Variants in EXD1 observed in about 807,000 individuals in gnomAD.
EXD1 encodes exonuclease 3'-5' domain containing 1.
Under a neutral mutation model 49.1 loss-of-function variants are expected in EXD1, and 63 were observed. The observed-to-expected ratio is 1.28, with a 90% CI of 1.05 to 1.58. The LOEUF is 1.58. Ranked by LOEUF, EXD1 falls within the 40% of genes most tolerant of loss-of-function variation. EXD1 has a pLI of 0.00. For missense variants in EXD1, 748 were observed against 666.0 expected (o/e 1.12, Z -1.36); for synonymous variants, 234 against 239.2 (o/e 0.98, Z 0.20).
chr15:41,190,508 A>G, intron 10 of EXD1: 1 of 284,378 alleles, frequency 3.5e-6, no homozygotes, highest in Non-Finnish European at 6.9e-6. Context: ...AAAAGAAAAG[A>G]ACTGTTTAAA....
intron 9 of EXD1, among the ~76,000 whole-genome samples, chr15:41,193,283 CT>C (rs2046559425): frequency 6.6e-6 from 1 of 152,058 alleles, no homozygotes; most frequent in Admixed American, 6.6e-5. Context: ...CTTTGTTACC[CT>C]TTAGGGAATC....
chr15:41,220,301 C>A (rs2047067409), intron 2 of EXD1, among the ~76,000 whole-genome samples: 1 of 150,434 alleles, frequency 6.6e-6, no homozygotes, highest in South Asian at 2.1e-4. Context: ...GATGGAGTCT[C>A]GTTCTGTCAC....
chr15:41,214,011 C>CA (rs1219499798), intron 6 of EXD1, among the ~76,000 whole-genome samples: 2 of 151,990 alleles, frequency 1.3e-5, no homozygotes, highest in South Asian at 4.1e-4. Context: ...ACTAAAAATA[C>CA]AAAAAATTAG....
chr15:41,206,690 C>T (rs1298162376), intron 7 of EXD1, among the ~76,000 whole-genome samples: 3 of 136,246 alleles, frequency 2.2e-5, no homozygotes, highest in African/African-American at 5.3e-5. Context: ...GGCACAATCT[C>T]GGCTCACTGA....
chr15:41,196,718 A>G (rs1485219022), intron 7 of EXD1, among the ~76,000 whole-genome samples: 1 of 151,368 alleles, frequency 6.6e-6, no homozygotes, highest in Non-Finnish European at 1.5e-5. Context: ...GGCATGAGCC[A>G]CTGCACCTGG....
rs1313406967 is a variant in EXD1 at position 41,190,147 on chromosome 15, T to C, written c.865-19A>G. 6.2e-7 allele frequency: 1 copy of C among 1,613,300 alleles called. No individual in the cohort carries two copies. The highest frequency in any genetic ancestry group is 2.2e-5 in the East Asian group (1 of 44,888). On this transcript the variant is annotated intron_variant, in intron 10 of 11. Coordinates refer to ENST00000458580, the MANE Select transcript of EXD1 (RefSeq NM_001286441.2). ...GATTTTCCTGGAGACAATAAAACAA[T>C]TTCCTCTGAACAGTAAGCAAGACTT...
chr15:41,190,943 T>A (rs964091521), intron 10 of EXD1, among the ~76,000 whole-genome samples: 10 of 152,172 alleles, frequency 6.6e-5, no homozygotes, highest in African/African-American at 2.4e-4. Context: ...AGACAGAGTC[T>A]CACTCTGTTG....
intron 2 of EXD1, among the ~76,000 whole-genome samples, chr15:41,224,967 TA>T (rs11437857): frequency 3.4e-5 from 5 of 149,076 alleles, no homozygotes; most frequent in Admixed American, 6.7e-5. Flanking sequence ...GACTTTGTCT[TA>T]AAAAAAAAAG....
At chr15:41,188,726 T>G (rs928927962) in intron 11 of EXD1, among the ~76,000 whole-genome samples, 3 of 151,930 alleles carry the variant, frequency 2.0e-5, no homozygotes, top group African/African-American at 7.2e-5. Context: ...ATTGTTAATA[T>G]TCATAGTATG....
chr15:41,216,875 G>T (rs1014188241), intron 4 of EXD1, 80 bp from the exon 5 acceptor site: 160 of 1,572,892 alleles, frequency 1.0e-4, no homozygotes, highest in Non-Finnish European at 1.3e-4. Context: ...ACACATTAAC[G>T]TTAAGGACAG....
At chr15:41,215,884 T>A (rs373412692) in intron 5 of EXD1, 51 bp from the exon 6 acceptor site, 4 of 1,586,016 alleles carry the variant, frequency 2.5e-6, no homozygotes, top group African/African-American at 1.3e-5. Context: ...AGCAACAGAA[T>A]AGCTTTCTCA....
At position 41,195,806 on chromosome 15, in the gene EXD1, C is replaced by T. The variant is rs978177943; in HGVS notation, c.689G>A (p.Gly230Glu). The change falls in exon 9 of 12, where the codon GGA becomes GAA. Residue 230 changes from glycine to glutamate, a missense_variant. By Grantham distance (98) the Gly-to-Glu change is moderately conservative. Transcript: ENST00000458580. ...WLSDCLSHQYGILLNNVFDTQ... is the reference protein window; with the variant it reads ...WLSDCLSHQYEILLNNVFDTQ... Reference sequence around the variant, plus strand: ...GTCAAAGACATTATTCAGCAAAATTCCATACTGATGAGAGAGGCAATCAGA... The same window carrying T: ...GTCAAAGACATTATTCAGCAAAATTTCATACTGATGAGAGAGGCAATCAGA... 2 of 1,613,534 alleles carry T rather than the reference C, an allele frequency of 1.2e-6. No homozygotes were observed. The highest frequency in any genetic ancestry group is 3.3e-5 in the Admixed American group (2 of 59,844).
chr15:41,223,956 C>G (rs1014395353), intron 2 of EXD1, among the ~76,000 whole-genome samples: 1 of 152,062 alleles, frequency 6.6e-6, no homozygotes, highest in Non-Finnish European at 1.5e-5. Context: ...CTCCTGGCCT[C>G]AAGCAATACT....
At chr15:41,188,996 G>C (rs1241188396) in intron 11 of EXD1, among the ~76,000 whole-genome samples, 1 of 151,398 alleles carries the variant, frequency 6.6e-6, no homozygotes, top group Non-Finnish European at 1.5e-5. Context: ...TAGAGATGGG[G>C]TTTCATCATG....
chr15:41,219,695 C>T (rs1474107377), intron 3 of EXD1, 135 bp downstream of exon 3: 1 of 677,576 alleles, frequency 1.5e-6, no homozygotes, highest in African/African-American at 1.8e-5. Flanking sequence ...ATAGAGTACC[C>T]ACAGAAGCAG....
In EXD1 at chr15:41,183,858, T is replaced by G. The variant is rs907311482; in HGVS notation, c.*73A>C. On this transcript the variant is annotated 3_prime_UTR_variant, in exon 12 of 12. Coordinates refer to ENST00000458580, the MANE Select transcript of EXD1 (RefSeq NM_001286441.2). The stretch of plus-strand genomic sequence containing the variant: ...TACTACATTTACAACATGAGAAACC[T>G]GGGCACTGTGGAAAGCCCTGATGGC... 5 of 1,430,748 alleles carry G rather than the reference T, an allele frequency of 3.5e-6. No individual in the cohort carries two copies. The highest frequency in any genetic ancestry group is 4.7e-6 in the Non-Finnish European group (5 of 1,059,340). 88.6% of individuals were successfully genotyped at this position (1,430,748 alleles called of 1,614,324 possible).
chr15:41,209,873 T>C (rs943176579), intron 6 of EXD1, among the ~76,000 whole-genome samples: 5 of 152,160 alleles, frequency 3.3e-5, no homozygotes, highest in Admixed American at 1.3e-4. Context: ...ACACCTTTTG[T>C]TACCACTGAT....
At chr15:41,219,063 TAA>T (rs2047048422) in intron 3 of EXD1, among the ~76,000 whole-genome samples, 1 of 151,950 alleles carries the variant, frequency 6.6e-6, no homozygotes, top group Non-Finnish European at 1.5e-5. Context: ...TACTCCTCCT[TAA>T]AGGGCAGAAG....
chr15:41,214,328 T>A (rs770421632), intron 6 of EXD1, among the ~76,000 whole-genome samples: 13 of 151,726 alleles, frequency 8.6e-5, no homozygotes, highest in Non-Finnish European at 1.5e-4. Context: ...CTGGCCAACA[T>A]GGCAAAACCC....
Sources: allele counts gnomAD v4.1 joint callset (sites outside exome capture counted in the v4.1 genomes callset), GRCh38; gene constraint gnomAD v4.1.1; transcripts MANE v1.5; gene names NCBI Gene and HGNC (gene_info 2026-07-23, HGNC 2026-07-21).